OPCML: variants seen among roughly 807,000 people sequenced by gnomAD.
OPCML encodes the protein opioid-binding protein/cell adhesion molecule.
A neutral mutation model predicts 37.8 loss-of-function variants in OPCML; 13 were observed. The ratio of observed to expected loss-of-function variants is 0.34; its 90% CI spans 0.22 to 0.55. The LOEUF (loss-of-function observed/expected upper bound fraction) is 0.55. Among genes scored for constraint, OPCML ranks in the 20% least tolerant of loss-of-function variants. OPCML has a pLI of 0.91. For synonymous variants in OPCML, 176 were observed against 168.8 expected, an observed-to-expected ratio of 1.04 and a Z score of -0.33; for missense variants, 341 against 435.6, an observed-to-expected ratio of 0.78 and a Z score of 1.93.
chr11:133,014,794 A>G (rs1213881839), intron 1 of OPCML, among the ~76,000 whole-genome samples: 1 of 152,238 alleles, frequency 6.6e-6, no homozygotes, highest in African/African-American at 2.4e-5. Context: ...CATTTTGAAC[A>G]TTGGTCATAG....
At chr11:132,569,346 C>G (rs543933250) in intron 3 of OPCML, among the ~76,000 whole-genome samples, 1 of 152,292 alleles carries the variant, frequency 6.6e-6, no homozygotes, top group South Asian at 2.1e-4. Context: ...GCTTCCGAAG[C>G]AATCAACTCT....
At chr11:133,470,124 G>A (rs536205854) in intron 1 of OPCML, among the ~76,000 whole-genome samples, 5 of 152,272 alleles carry the variant, frequency 3.3e-5, no homozygotes, top group African/African-American at 9.6e-5. Context: ...TTTTCAAGGG[G>A]AAACCATCAT....
intron 4 of OPCML, among the ~76,000 whole-genome samples, chr11:132,507,982 C>T (rs2096260996): frequency 6.6e-6 from 1 of 152,016 alleles, no homozygotes; most frequent in Admixed American, 6.6e-5. Context: ...CCTATCTTTT[C>T]CTGACTAAAC....
chr11:133,007,783 T>C, intron 1 of OPCML: 13 of 985,444 alleles, frequency 1.3e-5, no homozygotes, highest in Non-Finnish European at 1.6e-5. Flanking sequence ...TTTGAATAGT[T>C]AGCACATGTA....
intron 2 of OPCML, among the ~76,000 whole-genome samples, chr11:132,885,260 T>A (rs529889911): frequency 4.6e-5 from 7 of 152,314 alleles, no homozygotes; most frequent in African/African-American, 1.4e-4. Context: ...TGCATCTCTA[T>A]GGGCTGCAAA....
intron 2 of OPCML, among the ~76,000 whole-genome samples, chr11:132,658,938 G>T (rs986773941): frequency 6.6e-6 from 1 of 152,090 alleles, no homozygotes; most frequent in Non-Finnish European, 1.5e-5. Flanking sequence ...ACATTCCAAT[G>T]AAACTATTTT....
intron 2 of OPCML, among the ~76,000 whole-genome samples, chr11:132,689,563 G>T (rs1943317224): frequency 6.6e-6 from 1 of 152,228 alleles, no homozygotes; most frequent in Non-Finnish European, 1.5e-5. Flanking sequence ...TTGTTTAGCT[G>T]TATTTTTGAC....
intron 3 of OPCML, among the ~76,000 whole-genome samples, chr11:132,580,945 G>A (rs1318269332): frequency 6.6e-6 from 1 of 152,142 alleles, no homozygotes; most frequent in Non-Finnish European, 1.5e-5. Context: ...GGTAAGATTT[G>A]ATTAAATGAT....
At chr11:133,293,916 A>G (rs1942555319) in intron 1 of OPCML, among the ~76,000 whole-genome samples, 1 of 151,748 alleles carries the variant, frequency 6.6e-6, no homozygotes, top group African/African-American at 2.4e-5. Flanking sequence ...ACACACACAC[A>G]CACACACACA....
intron 3 of OPCML, among the ~76,000 whole-genome samples, chr11:132,558,486 TCCTCCTCC>T (rs1404276907): frequency 4.3e-5 from 2 of 46,288 alleles, no homozygotes; most frequent in East Asian, 1.5e-3. Flanking sequence ...CCTCCACTCC[TCCTCCTCC>T]CCTCCTCCCC....
chr11:132,496,424 T>C (rs1031691680), intron 4 of OPCML, among the ~76,000 whole-genome samples: 3 of 152,234 alleles, frequency 2.0e-5, no homozygotes, highest in Non-Finnish European at 4.4e-5. Context: ...TTTCTGAAAT[T>C]ACTTCTAATG....
At chr11:133,481,927 G>T (rs1205874087) in intron 1 of OPCML, among the ~76,000 whole-genome samples, 2 of 152,196 alleles carry the variant, frequency 1.3e-5, no homozygotes, top group African/African-American at 4.8e-5. Context: ...TAGGAGATGA[G>T]AGAGGAAACC....
In OPCML at chr11:133,419,416, G is replaced by T. The variant is rs897844188; in HGVS notation, c.61+112848C>A. The T allele has an allele frequency of 1.7e-5, 13 of 778,612 alleles. No homozygotes were observed. In the African/African-American group the frequency reaches 2.1e-4, roughly 12 times the overall value. The allele number at this position is 778,612 out of a possible 1,614,324, so 48.2% of individuals were successfully genotyped here. A position where few individuals can be genotyped will look rare whatever the true frequency, so the allele number is the denominator to read the frequency against. ...TGCTAAATTTTCAGAAATTATATGA[G>T]CCAATTACTAAATACAACCACTAAT... On this transcript the variant is annotated intron_variant, in intron 1 of 7. Coordinates refer to ENST00000524381, the MANE Select transcript of OPCML (RefSeq NM_001012393.5).
intron 2 of OPCML, among the ~76,000 whole-genome samples, chr11:132,759,576 G>C (rs1946187424): frequency 6.6e-6 from 1 of 152,132 alleles, no homozygotes; most frequent in African/African-American, 2.4e-5. Context: ...AGATTTTCTA[G>C]TTTATTTGTG....
At chr11:133,027,770 A>G (rs1428725790) in intron 1 of OPCML, among the ~76,000 whole-genome samples, 3 of 310 alleles carry the variant, frequency 9.7e-3, no homozygotes, top group Non-Finnish European at 0.011. Flanking sequence ...TGTGGTGTGT[A>G]TGTGTGTATG....
chr11:133,175,014 G>T (rs1201552973), intron 1 of OPCML, among the ~76,000 whole-genome samples: 3 of 152,174 alleles, frequency 2.0e-5, no homozygotes, highest in Non-Finnish European at 4.4e-5. Flanking sequence ...TGAGATGGGA[G>T]GATCACTTGA....
chr11:132,701,345 TG>T (rs1429314671), intron 2 of OPCML, among the ~76,000 whole-genome samples: 1 of 152,204 alleles, frequency 6.6e-6, no homozygotes, highest in Non-Finnish European at 1.5e-5. Context: ...TGGGACTTAT[TG>T]CAATTCAAGG....
intron 3 of OPCML, among the ~76,000 whole-genome samples, chr11:132,653,729 C>G (rs114008771): frequency 2.6e-5 from 4 of 152,150 alleles, no homozygotes; most frequent in Admixed American, 6.5e-5. Flanking sequence ...GTCTCTCAGG[C>G]GCTCCCATGG....
chr11:132,542,238 G>A (rs73035375), intron 3 of OPCML, among the ~76,000 whole-genome samples: 1 of 152,006 alleles, frequency 6.6e-6, no homozygotes, highest in Non-Finnish European at 1.5e-5. Context: ...AAGATGCCTG[G>A]GCTGAGAATT....
Sources: gnomAD v4.1 joint callset for allele counts (sites outside exome capture counted in the v4.1 genomes callset) on GRCh38, gnomAD v4.1.1 for gene constraint, MANE v1.5 for transcripts, NCBI Gene and HGNC (gene_info 2026-07-23, HGNC 2026-07-21) for gene names.